LIMD1: variants seen among roughly 807,000 people sequenced by gnomAD.
The protein encoded by LIMD1 is LIM domain containing 1.
A neutral mutation model predicts 58.4 loss-of-function variants in LIMD1; 23 were observed. The ratio of observed to expected loss-of-function variants is 0.39; its 90% confidence interval spans 0.28 to 0.56. The LOEUF is 0.56. Among genes scored for constraint, LIMD1 ranks in the 20% least tolerant of loss-of-function variants. The pLI, the probability that LIMD1 is intolerant of heterozygous loss-of-function variation, is 0.57. For synonymous variants in LIMD1, 334 were observed against 345.5 expected, an observed-to-expected ratio of 0.97 and a Z score of 0.37; for missense variants, 838 against 855.5, an observed-to-expected ratio of 0.98 and a Z score of 0.25.
chr3:45,609,274 G>A (rs1701500012), intron 1 of LIMD1, among the ~76,000 whole-genome samples: 1 of 152,218 alleles, frequency 6.6e-6, no homozygotes, highest in African/African-American at 2.4e-5. Flanking sequence ...AGTAAACTTG[G>A]AGAATCCCTG....
chr3:45,664,339 A>G (rs1176183362), intron 2 of LIMD1, among the ~76,000 whole-genome samples: 1 of 152,164 alleles, frequency 6.6e-6, no homozygotes, highest in African/African-American at 2.4e-5. Flanking sequence ...TGCTTTGGCC[A>G]TCTTCTGATC....
chr3:45,649,848 GTT>G (rs367547670), intron 2 of LIMD1, among the ~76,000 whole-genome samples: 1 of 97,338 alleles, frequency 1.0e-5, no homozygotes, highest in Admixed American at 1.2e-4. Context: ...AAGTTTTTTT[GTT>G]TTTTTTTTTT....
Position 45,595,322 on chromosome 3 carries a change from G to A in LIMD1, c.443G>A (p.Cys148Tyr), listed in dbSNP as rs749869165. 5 of 1,613,574 alleles carry A rather than the reference G, an allele frequency of 3.1e-6. No individual in the cohort carries two copies. Among genetic ancestry groups the A allele is most frequent in the Admixed American group, 3.3e-5 (2 of 60,036 alleles). Residue 148 changes from cysteine to tyrosine, a missense_variant, in exon 1 of 8, where the codon TGT becomes TAT. Around this residue, in one of 3 missense-constraint regions of LIMD1, gnomAD observed 659 missense variants for 639.8 expected, o/e 1.03. Transcript: ENST00000273317. The stretch of plus-strand genomic sequence containing the variant: ...GGCACGAGGCATGGCAGCCAGGACT[G>A]TGGTTCCAGGGAGAGCCTGGCGACT... ...LHGTRHGSQDCGSRESLATSE... is the reference protein window; with the variant it reads ...LHGTRHGSQDYGSRESLATSE...
chr3:45,660,815 T>C (rs954216582), intron 2 of LIMD1, among the ~76,000 whole-genome samples: 4 of 152,168 alleles, frequency 2.6e-5, no homozygotes, highest in African/African-American at 9.7e-5. Flanking sequence ...GGGAAAAGTA[T>C]GGGAAAGATA....
chr3:45,624,398 G>C (rs1468766330), intron 1 of LIMD1, among the ~76,000 whole-genome samples: 4 of 152,056 alleles, frequency 2.6e-5, no homozygotes, highest in Non-Finnish European at 4.4e-5. Context: ...TAGCCTGGTA[G>C]AGCCTTTTTA....
chr3:45,663,945 A>G (rs887844309), intron 2 of LIMD1, among the ~76,000 whole-genome samples: 2 of 143,614 alleles, frequency 1.4e-5, no homozygotes, highest in Non-Finnish European at 3.0e-5. Flanking sequence ...ATCTCGGCTC[A>G]CTGCAACCTC....
At chr3:45,624,131 G>A (rs554990835) in intron 1 of LIMD1, among the ~76,000 whole-genome samples, 19 of 152,348 alleles carry the variant, frequency 1.2e-4, no homozygotes, top group African/African-American at 4.6e-4. Flanking sequence ...CTCAAGCTGT[G>A]TTTGGGATAA....
chr3:45,618,787 AC>A (rs1701601298), intron 1 of LIMD1, among the ~76,000 whole-genome samples: 1 of 151,976 alleles, frequency 6.6e-6, no homozygotes, highest in Admixed American at 6.6e-5. Context: ...TTATACCAAA[AC>A]CCACTGTTTA....
intron 6 of LIMD1, 53 bp downstream of exon 6, chr3:45,673,558 C>A: frequency 7.4e-7 from 1 of 1,357,296 alleles, no homozygotes; most frequent in Non-Finnish European, 1.1e-6. Flanking sequence ...ATGAATATCT[C>A]CCTGGGCTCA....
At chr3:45,652,556 A>T (rs934818085) in intron 2 of LIMD1, among the ~76,000 whole-genome samples, 2 of 152,146 alleles carry the variant, frequency 1.3e-5, no homozygotes, top group African/African-American at 4.8e-5. Flanking sequence ...TTGTTCTGGG[A>T]TGCTGTTAAA....
At chr3:45,673,611 C>G in intron 6 of LIMD1, 106 bp downstream of exon 6, 2 of 1,016,734 alleles carry the variant, frequency 2.0e-6, no homozygotes, top group Non-Finnish European at 3.1e-6. Context: ...TTAAGGTATC[C>G]TTTTAAAAAT....
At chr3:45,621,126 G>A (rs1222923443) in intron 1 of LIMD1, among the ~76,000 whole-genome samples, 1 of 152,228 alleles carries the variant, frequency 6.6e-6, no homozygotes, top group Non-Finnish European at 1.5e-5. Flanking sequence ...CTGAGGAGCT[G>A]TCCCAGGTTA....
chr3:45,674,195 A>G (rs1358470200), intron 6 of LIMD1, 148 bp from the exon 7 acceptor site: 9 of 598,256 alleles, frequency 1.5e-5, no homozygotes, highest in Non-Finnish European at 2.8e-5. Flanking sequence ...TTCTTCTTCC[A>G]GTAAGTACTC....
intron 1 of LIMD1, chr3:45,635,760 A>AAAAATGGT: frequency 4.2e-6 from 1 of 236,732 alleles, no homozygotes; most frequent in Non-Finnish European, 6.7e-6. Flanking sequence ...AAAAAAAAAA[A>AAAAATGGT]GGGAGGAAAA....
intron 1 of LIMD1, among the ~76,000 whole-genome samples, chr3:45,601,873 G>A (rs115421579): frequency 0.024 from 3,621 of 151,724 alleles, 63 homozygotes; most frequent in Non-Finnish European, 0.036. Context: ...CTCCACCCAC[G>A]TACTGTAGGG....
At chr3:45,667,544 C>T (rs1420741576) in intron 3 of LIMD1, among the ~76,000 whole-genome samples, 1 of 149,886 alleles carries the variant, frequency 6.7e-6, no homozygotes, top group Non-Finnish European at 1.5e-5. Flanking sequence ...TCTAGTCTAG[C>T]GTGTAGCATC....
At chr3:45,666,173 C>T (rs1362791496) in intron 3 of LIMD1, among the ~76,000 whole-genome samples, 2 of 152,196 alleles carry the variant, frequency 1.3e-5, no homozygotes, top group African/African-American at 4.8e-5. Flanking sequence ...CCCAACCCCT[C>T]ACGTACCAGC....
In LIMD1 at chr3:45,678,329, A is replaced by AC. The variant is rs1697697593; in HGVS notation, c.*1271dup. 1 of 140,240 alleles carries AC rather than the reference A, an allele frequency of 7.1e-6. No individual in the cohort carries two copies. Among genetic ancestry groups the AC allele is most frequent in the Admixed American group, 7.6e-5 (1 of 13,138 alleles). 8.7% of individuals were successfully genotyped at this position (140,240 alleles called of 1,614,324 possible). A position where few individuals can be genotyped will look rare whatever the true frequency, so the allele number is the denominator to read the frequency against. ...GTGTGTTGGAAATCACTGGCTTCAC[A>AC]CAGGCCCAACTCCAGCTGGTCAGGG... On this transcript the variant is annotated 3_prime_UTR_variant, in exon 8 of 8. Transcript: ENST00000273317.
intron 2 of LIMD1, among the ~76,000 whole-genome samples, chr3:45,657,575 C>G (rs945913587): frequency 6.6e-6 from 1 of 151,426 alleles, no homozygotes; most frequent in Non-Finnish European, 1.5e-5. Context: ...GTCCCATTTC[C>G]TGGCAGAAGA....
Sources: gnomAD v4.1 joint callset for allele counts (sites outside exome capture counted in the v4.1 genomes callset) on GRCh38, gnomAD v4.1.1 for gene constraint, gnomAD v4.1.1 regional missense constraint, MANE v1.5 for transcripts, NCBI Gene and HGNC (gene_info 2026-07-23, HGNC 2026-07-21) for gene names.